Variants in THUMPD2 observed in about 807,000 individuals in gnomAD.
THUMPD2 encodes THUMP domain 2 tRNA and snRNA guanosine methyltransferase, also known as U6 snRNA (guanine-N(2))-methyltransferase THUMPD2.
THUMPD2 carries 56 observed loss-of-function variants against 49.4 expected under a neutral mutation model. The ratio of observed to expected loss-of-function variants is 1.13; its 90% CI spans 0.91 to 1.41. The LOEUF is 1.41. Among genes scored for constraint, THUMPD2 ranks in the 40% most tolerant of loss-of-function variants. The pLI is 0.00. For synonymous variants in THUMPD2, 237 were observed against 205.2 expected (o/e 1.15, Z -1.32); for missense variants, 709 against 594.5 (o/e 1.19, Z -2.00).
chr2:39,778,595 A>G (rs1679418118), intron 1 of THUMPD2, among the ~76,000 whole-genome samples: 1 of 152,258 alleles, frequency 6.6e-6, no homozygotes, highest in Non-Finnish European at 1.5e-5. Context: ...AATCAATAAC[A>G]GATAACTATG....
intron 1 of THUMPD2, among the ~76,000 whole-genome samples, chr2:39,776,441 T>G (rs1190456869): frequency 6.6e-6 from 1 of 151,242 alleles, no homozygotes; most frequent in Admixed American, 6.6e-5. Flanking sequence ...TCACCCAGGC[T>G]GGAGTGCAGT....
chr2:39,779,006 G>C (rs1679503095), intron 1 of THUMPD2, 108 bp downstream of exon 1: 1 of 1,318,548 alleles, frequency 7.6e-7, no homozygotes, highest in Non-Finnish European at 9.7e-7. Context: ...CCGTCGCGTG[G>C]AACAGAGAGG....
intron 9 of THUMPD2, among the ~76,000 whole-genome samples, chr2:39,737,415 GAGTT>G (rs958056563): frequency 6.6e-6 from 1 of 152,214 alleles, no homozygotes; most frequent in Non-Finnish European, 1.5e-5. Context: ...TAACAGGAAA[GAGTT>G]AGGACACGAA....
At position 39,761,976 on chromosome 2, in the gene THUMPD2, A is replaced by G. The variant is rs1043091854; in HGVS notation, c.804-558T>C. 1.1e-4 allele frequency among the ~76,000 whole-genome samples: 16 copies of G among 152,188 alleles called. 1 individual carries two copies. Among genetic ancestry groups the G allele is most frequent in the Admixed American group, 1.0e-3 (16 of 15,266 alleles). Reference sequence around the variant, plus strand: ...ATGGGCCAAAGCAGACATCTCCCAAATGAGTTCACTGGTCTCCAAAAAGCA... The same window carrying G: ...ATGGGCCAAAGCAGACATCTCCCAAGTGAGTTCACTGGTCTCCAAAAAGCA... On this transcript the variant is annotated intron_variant, in intron 5 of 9. Transcript: ENST00000505747.
chr2:39,747,219 A>G (rs906017030), intron 8 of THUMPD2, among the ~76,000 whole-genome samples: 2 of 152,200 alleles, frequency 1.3e-5, no homozygotes, highest in African/African-American at 2.4e-5. Flanking sequence ...AATAACCACT[A>G]TTCTATTTTC....
chr2:39,764,276 G>A (rs1462916790), intron 5 of THUMPD2, among the ~76,000 whole-genome samples: 1 of 152,176 alleles, frequency 6.6e-6, no homozygotes, highest in Non-Finnish European at 1.5e-5. Flanking sequence ...TTTCACGTGG[G>A]TTATCTCATT....
chr2:39,744,560 G>T, intron 8 of THUMPD2, 82 bp from the exon 9 acceptor site: 1 of 898,940 alleles, frequency 1.1e-6, no homozygotes, highest in South Asian at 1.8e-5. Context: ...GAAGTACACA[G>T]GATTATTTTT....
At chr2:39,757,658 A>C (rs1295885701) in intron 6 of THUMPD2, among the ~76,000 whole-genome samples, 2 of 152,212 alleles carry the variant, frequency 1.3e-5, no homozygotes, top group East Asian at 3.8e-4. Context: ...TTTTCTTGCC[A>C]TGACACTTGT....
Position 39,744,458 on chromosome 2 carries a change from T to C in THUMPD2, c.1099A>G (p.Ser367Gly), listed in dbSNP as rs763998514. Residue 367 changes from serine to glycine, a missense_variant, in exon 9 of 10, where the codon AGT becomes GGT. Physicochemically the swap from Ser to Gly is moderately conservative, Grantham distance 56. Transcript: ENST00000505747. The part of the protein sequence containing the change: ...SVIELPLPSE[S>G]VDIIISDIPF... ...ATGTCAGAAATAATAATATCAACAC[T>C]TTCTGAAGGCAATGGCAATTCTGAA... 6.3e-7 allele frequency: 1 copy of C among 1,577,750 alleles called. No homozygotes were observed. Among genetic ancestry groups the C allele is most frequent in the South Asian group, 1.2e-5 (1 of 83,610 alleles).
At position 39,769,692 on chromosome 2, in the gene THUMPD2, T is replaced by G. The variant is rs1678051201; in HGVS notation, c.672+18A>C. 1 of 1,492,668 alleles carries G rather than the reference T, an allele frequency of 6.7e-7. No individual in the cohort carries two copies. The highest frequency in any genetic ancestry group is 8.9e-7 in the Non-Finnish European group (1 of 1,128,064). The allele number at this position is 1,492,668 out of a possible 1,614,324, so 92.5% of individuals were successfully genotyped here. A position where few individuals can be genotyped will look rare whatever the true frequency, so the allele number is the denominator to read the frequency against. On this transcript the variant is annotated intron_variant, in intron 3 of 9. Transcript: ENST00000505747. The stretch of plus-strand genomic sequence containing the variant: ...TTCCAGCCTGGGCGACAGACTCCAC[T>G]TTAGGATGCAAGCATACCTGTGCAG...
chr2:39,758,632 G>T (rs1477026337), intron 6 of THUMPD2, among the ~76,000 whole-genome samples: 1 of 152,192 alleles, frequency 6.6e-6, no homozygotes, highest in African/African-American at 2.4e-5. Context: ...AGGACTGACA[G>T]ATTCTCTTTA....
At chr2:39,741,894 T>A (rs1673938857) in intron 9 of THUMPD2, among the ~76,000 whole-genome samples, 1 of 152,116 alleles carries the variant, frequency 6.6e-6, no homozygotes. Context: ...TATATTTAAA[T>A]ATATCCTCAC....
At chr2:39,766,840 G>A (rs572100329) in intron 4 of THUMPD2, among the ~76,000 whole-genome samples, 3 of 152,092 alleles carry the variant, frequency 2.0e-5, no homozygotes, top group African/African-American at 7.2e-5. Flanking sequence ...ATCAAGAAAA[G>A]ACTTACCTGG....
At chr2:39,755,078 T>C (rs1284180566) in intron 8 of THUMPD2, among the ~76,000 whole-genome samples, 1 of 152,164 alleles carries the variant, frequency 6.6e-6, no homozygotes, top group Admixed American at 6.5e-5. Context: ...GAAGTCATGC[T>C]TTACATGCTT....
chr2:39,741,102 A>T (rs1673838152), intron 9 of THUMPD2, among the ~76,000 whole-genome samples: 1 of 152,210 alleles, frequency 6.6e-6, no homozygotes, highest in Admixed American at 6.5e-5. Flanking sequence ...ATCAGTGATG[A>T]TAATAATAAG....
intron 6 of THUMPD2, chr2:39,757,138 T>C (rs1185448579): frequency 3.0e-6 from 1 of 328,712 alleles, no homozygotes; most frequent in East Asian, 8.3e-5. Flanking sequence ...GGGAGAGAAC[T>C]CTGACTGGGG....
chr2:39,754,694 T>C (rs550003494), intron 8 of THUMPD2, among the ~76,000 whole-genome samples: 6 of 152,330 alleles, frequency 3.9e-5, no homozygotes, highest in Non-Finnish European at 5.9e-5. Flanking sequence ...TTGGCCTCAA[T>C]AGACTTGATT....
In THUMPD2 at chr2:39,736,669, G is replaced by C; in HGVS notation, c.*66C>G. ...CTGTGGGTGCTATATGAATCCTAGA[G>C]ACAGCAAACTTCTGCTGTACAGCTA... On this transcript the variant is annotated 3_prime_UTR_variant, in exon 10 of 10. Coordinates refer to ENST00000505747, the MANE Select transcript of THUMPD2 (RefSeq NM_025264.5). The C allele has an allele frequency of 7.0e-7, 1 of 1,431,216 alleles. No individual in the cohort carries two copies. 88.7% of individuals were successfully genotyped at this position (1,431,216 alleles called of 1,614,324 possible).
Position 39,768,483 on chromosome 2 carries a change from C to T in THUMPD2, c.691G>A (p.Gly231Arg), listed in dbSNP as rs2148327700. ...CCAAAGTGTTTCATAATAGCAATTC[C>T]AATTACTTTTCCTACCTCCTGGAAA... The part of the protein sequence containing the change: ...FTAQEVGKVI[G>R]IAIMKHFGWK... Residue 231 changes from glycine to arginine, a missense_variant, in exon 4 of 10, where the codon GGA becomes AGA. Transcript: ENST00000505747. 6.2e-7 allele frequency: 1 copy of T among 1,612,262 alleles called. No individual in the cohort carries two copies. The highest frequency in any genetic ancestry group is 8.5e-7 in the Non-Finnish European group (1 of 1,179,384).
Sources: gnomAD v4.1 joint callset for allele counts (sites outside exome capture counted in the v4.1 genomes callset) on GRCh38, gnomAD v4.1.1 for gene constraint, MANE v1.5 for transcripts, NCBI Gene and HGNC (gene_info 2026-07-23, HGNC 2026-07-21) for gene names.